The following FAF2 variants were observed in gnomAD, a reference collection of about 807,000 sequenced individuals.
The protein encoded by FAF2 is Fas associated factor family member 2.
Under a neutral mutation model 62.3 loss-of-function variants are expected in FAF2, and 9 were observed. The observed-to-expected ratio is 0.14, with a 90% CI of 0.09 to 0.25. FAF2 has a LOEUF of 0.25. Among genes scored for constraint, FAF2 ranks in the 10% least tolerant of loss-of-function variants. The pLI, the probability that FAF2 is intolerant of heterozygous loss-of-function variation, is 1.00. For synonymous variants in FAF2, 202 were observed against 198.0 expected (o/e 1.02, Z -0.17); for missense variants, 368 against 556.2 (o/e 0.66, Z 3.40).
chr5:176,467,407 T>A (rs1758489668), intron 1 of FAF2, among the ~76,000 whole-genome samples: 1 of 152,132 alleles, frequency 6.6e-6, no homozygotes. Flanking sequence ...CTCAGCTCAC[T>A]GCAACCTTCA....
Position 176,494,289 on chromosome 5 carries a change from C to A in FAF2, c.661+14C>A, listed in dbSNP as rs1350117036. 6.3e-7 allele frequency: 1 copy of A among 1,593,040 alleles called. No individual in the cohort carries two copies. The highest frequency in any genetic ancestry group is 1.7e-5 in the Admixed American group (1 of 59,980). On this transcript the variant is annotated intron_variant, in intron 7 of 10. Transcript: ENST00000261942. The surrounding 1 kb of genome is among the most constrained non-coding windows in gnomAD (Gnocchi z 4.0). ...AGGGATACAGGGGTAAGTTATGTTT[C>A]TTCTGCCTCATTGAGATTGTTGGAG...
chr5:176,507,004 AAAG>A lies in FAF2; in HGVS notation c.*57_*59del. On this transcript the variant is annotated 3_prime_UTR_variant, in exon 11 of 11. Transcript: ENST00000261942. Reference sequence around the variant, plus strand: ...CCAGTCCCTAAAAGAAATGGGGAAAAAAGAAAACAACAGCAAGTCAGAAAAAAA... The same window carrying A: ...CCAGTCCCTAAAAGAAATGGGGAAAAAAAACAACAGCAAGTCAGAAAAAAA... 1.6e-6 allele frequency: 2 copies of A among 1,276,512 alleles called. No individual in the cohort carries two copies. The highest frequency in any genetic ancestry group is 2.6e-5 in the South Asian group (1 of 38,102). The allele number at this position is 1,276,512 out of a possible 1,614,324, so 79.1% of individuals were successfully genotyped here. A position where few individuals can be genotyped will look rare whatever the true frequency, so the allele number is the denominator to read the frequency against.
intron 10 of FAF2, among the ~76,000 whole-genome samples, chr5:176,506,092 G>A (rs558174782): frequency 6.6e-6 from 1 of 151,780 alleles, no homozygotes; most frequent in East Asian, 1.9e-4. Context: ...TCAGGAGGCT[G>A]AGGCAGGAGA....
chr5:176,483,550 G>A (rs1384337530), intron 2 of FAF2, among the ~76,000 whole-genome samples: 1 of 152,042 alleles, frequency 6.6e-6, no homozygotes, highest in East Asian at 1.9e-4. Context: ...TAAAACTAGG[G>A]GACTACCTGA....
intron 10 of FAF2, among the ~76,000 whole-genome samples, chr5:176,505,739 C>G (rs113347898): frequency 5.3e-5 from 8 of 152,182 alleles, no homozygotes; most frequent in African/African-American, 1.4e-4. Context: ...CTACTTACTT[C>G]GCTTAGAATA....
In FAF2 at chr5:176,494,133, CAGTTT is replaced by C; in HGVS notation, c.570-49_570-45del. ...TCTCTTTTCTGACTCTTTCTGGTGA[CAGTTT>C]ATAGTCAGCAAGTTGTTCTCATATC... On this transcript the variant is annotated intron_variant, in intron 6 of 10. Coordinates refer to ENST00000261942, the MANE Select transcript of FAF2 (RefSeq NM_014613.3). The surrounding 1 kb of genome is among the most constrained non-coding windows in gnomAD (Gnocchi z 4.0). The C allele has an allele frequency of 6.2e-7, 1 of 1,608,268 alleles. No homozygotes were observed. The highest frequency in any genetic ancestry group is 8.5e-7 in the Non-Finnish European group (1 of 1,175,572).
chr5:176,505,669 C>T (rs1193222426), intron 10 of FAF2, among the ~76,000 whole-genome samples: 2 of 152,270 alleles, frequency 1.3e-5, no homozygotes, highest in East Asian at 1.9e-4. Context: ...TTTGCCTTTG[C>T]GTCCTCATAG....
Position 176,494,079 on chromosome 5 carries a change from T to C in FAF2, c.564T>C (p.Phe188=). Residue 188 remains phenylalanine, a synonymous_variant, in exon 6 of 11, where the codon TTT becomes TTC. Transcript: ENST00000261942. This position sits in a 1 kb window ranked among gnomAD's most constrained non-coding sequence, Gnocchi z 4.0. ...HGDDHQDSDE[F]CRNTLCAPEV... ...ATGATCACCAGGACTCTGATGAGTT[T>C]TGTCGGTAAGTGGATTGATTATTTT... 1.9e-6 allele frequency: 3 copies of C among 1,613,974 alleles called. No homozygotes were observed. The highest frequency in any genetic ancestry group is 2.5e-6 in the Non-Finnish European group (3 of 1,179,830).
chr5:176,499,987 C>T lies in FAF2; in HGVS notation c.1012-16C>T. On this transcript the variant is annotated splice_polypyrimidine_tract_variant and intron_variant, in intron 9 of 10. Coordinates refer to ENST00000261942, the MANE Select transcript of FAF2 (RefSeq NM_014613.3). The stretch of plus-strand genomic sequence containing the variant: ...TTCTTGAGCTGTAGCCTCACCTTTG[C>T]TTTGTGTCTCTGCAGAATTTACAGG... 6.2e-7 allele frequency: 1 copy of T among 1,613,844 alleles called. No individual in the cohort carries two copies. Among genetic ancestry groups the T allele is most frequent in the Non-Finnish European group, 8.5e-7 (1 of 1,179,890 alleles).
In FAF2 at chr5:176,489,014, C is replaced by T; in HGVS notation, c.331C>T (p.Leu111Phe). The change falls in exon 4 of 11, where the codon CTT becomes TTT. Residue 111 changes from leucine (L) to phenylalanine (F), a missense_variant. By Grantham distance (22) the Leu-to-Phe change is conservative. Transcript: ENST00000261942. ...LPFRFTYYTI[L>F]DIFRFALRFI... Reference sequence around the variant, plus strand: ...ATTCCGGTTTACCTATTACACGATACTTGATATATTTAGGTATGTACCTTT... The same window carrying T: ...ATTCCGGTTTACCTATTACACGATATTTGATATATTTAGGTATGTACCTTT... 1 of 1,612,870 alleles carries T rather than the reference C, an allele frequency of 6.2e-7. No individual in the cohort carries two copies. Among genetic ancestry groups the T allele is most frequent in the Admixed American group, 1.7e-5 (1 of 60,010 alleles).
chr5:176,499,323 T>TGCC (rs1352338740), intron 9 of FAF2, among the ~76,000 whole-genome samples: 1 of 152,222 alleles, frequency 6.6e-6, no homozygotes, highest in Non-Finnish European at 1.5e-5. Context: ...AGACGGGCTT[T>TGCC]GCCATATTGG....
At chr5:176,482,613 A>G (rs1758801712) in intron 2 of FAF2, among the ~76,000 whole-genome samples, 1 of 152,046 alleles carries the variant, frequency 6.6e-6, no homozygotes, top group Non-Finnish European at 1.5e-5. Context: ...GACTCAAGTG[A>G]TCCTTTCACT....
intron 4 of FAF2, among the ~76,000 whole-genome samples, chr5:176,490,135 C>A (rs2113739719): frequency 6.6e-6 from 1 of 151,818 alleles, no homozygotes; most frequent in South Asian, 2.1e-4. Flanking sequence ...TACGGTGAAA[C>A]CCTGTCTCTA....
At chr5:176,453,083 T>A (rs1036516025) in intron 1 of FAF2, 3 of 152,222 alleles carry the variant, frequency 2.0e-5, no homozygotes, top group Non-Finnish European at 4.4e-5. Flanking sequence ...CTCAGCCCAT[T>A]TGATATCTTC....
At chr5:176,505,913 A>G (rs1441426120) in intron 10 of FAF2, among the ~76,000 whole-genome samples, 1 of 152,080 alleles carries the variant, frequency 6.6e-6, no homozygotes, top group Non-Finnish European at 1.5e-5. Context: ...TCACGCCTGT[A>G]ATCTCAGCAC....
chr5:176,501,821 G>A (rs1755597093), intron 10 of FAF2, among the ~76,000 whole-genome samples: 1 of 152,192 alleles, frequency 6.6e-6, no homozygotes, highest in Non-Finnish European at 1.5e-5. Context: ...TGGCACTGTC[G>A]CAGCTCGCTG....
intron 1 of FAF2, among the ~76,000 whole-genome samples, chr5:176,450,972 CA>C (rs1758156122): frequency 6.6e-6 from 1 of 152,158 alleles, no homozygotes; most frequent in Non-Finnish European, 1.5e-5. Flanking sequence ...ATCGCTGGAT[CA>C]GATTCATTAT....
At chr5:176,501,621 A>G (rs1347216408) in intron 10 of FAF2, among the ~76,000 whole-genome samples, 5 of 152,276 alleles carry the variant, frequency 3.3e-5, no homozygotes, top group South Asian at 2.1e-4. Context: ...TGGCCAGTAC[A>G]GAATGTAAGA....
intron 10 of FAF2, 60 bp from the exon 11 acceptor site, chr5:176,506,706 CGT>C (rs760990895): frequency 2.9e-3 from 1,594 of 551,700 alleles, no homozygotes; most frequent in East Asian, 3.3e-3. Context: ...TGCGTGTGTG[CGT>C]GTGTGTGTGT....
Sources: allele counts gnomAD v4.1 joint callset (sites outside exome capture counted in the v4.1 genomes callset), GRCh38; gene constraint gnomAD v4.1.1; non-coding constraint Gnocchi (gnomAD v3.1); transcripts MANE v1.5; gene names NCBI Gene and HGNC (gene_info 2026-07-23, HGNC 2026-07-21).